ALPK2: variants seen among roughly 807,000 people sequenced by gnomAD.
ALPK2 encodes the protein alpha kinase 2, also known as alpha-protein kinase 2.
Under a neutral mutation model 163.1 loss-of-function variants are expected in ALPK2, and 127 were observed. That is an observed-to-expected ratio of 0.78 (90% CI 0.67 to 0.90). The LOEUF (loss-of-function observed/expected upper bound fraction) is 0.90, where lower values mean the gene tolerates loss of function less well. ALPK2 is among the 40% of genes least tolerant of loss of function. ALPK2 has a pLI of 0.00. For missense variants in ALPK2, 2,360 were observed against 2,589.6 expected (o/e 0.91, Z 1.92); for synonymous variants, 953 against 959.1 (o/e 0.99, Z 0.12).
intron 4 of ALPK2, among the ~76,000 whole-genome samples, chr18:58,576,427 A>T (rs1204249740): frequency 6.6e-6 from 1 of 152,216 alleles, no homozygotes; most frequent in Non-Finnish European, 1.5e-5. Context: ...CTACCAACCC[A>T]GGATTTTAAC....
chr18:58,504,194 A>AAG, intron 10 of ALPK2, 46 bp from the exon 11 acceptor site: 1 of 1,501,344 alleles, frequency 6.7e-7, no homozygotes, highest in Non-Finnish European at 9.3e-7. Flanking sequence ...CTCTACTGGG[A>AAG]AGAGAGGCTC....
intron 6 of ALPK2, chr18:58,528,690 C>T (rs2051596319): frequency 4.7e-6 from 1 of 210,966 alleles, no homozygotes; most frequent in Admixed American, 5.6e-5. Flanking sequence ...TTTGTTTGAC[C>T]TTTATCAGAT....
chr18:58,579,908 C>T lies in ALPK2; in HGVS notation c.868G>A (p.Val290Met), dbSNP rs200278400. The T allele has an allele frequency of 6.7e-5, 108 of 1,614,062 alleles. No homozygotes were observed. The highest frequency in any genetic ancestry group is 8.1e-5 in the Non-Finnish European group (95 of 1,180,044). ...TAHIYPGDSAVANKQPSPQLS... is the reference protein window; with the variant it reads ...TAHIYPGDSAMANKQPSPQLS... ...TGTGGGCTGGGTTGTTTGTTGGCCA[C>T]GGCACTGTCACCTGGGTAAATGTGT... The change falls in exon 4 of 13, where the codon GTG becomes ATG. Residue 290 changes from valine (V) to methionine (M), a missense_variant. Physicochemically the swap from Val to Met is conservative, Grantham distance 21. Coordinates refer to ENST00000361673, the MANE Select transcript of ALPK2 (RefSeq NM_052947.4).
In ALPK2 at chr18:58,481,864, T is replaced by C. The variant is rs773170762; in HGVS notation, c.6472A>G (p.Lys2158Glu). 1.2e-6 allele frequency: 2 copies of C among 1,614,088 alleles called. No homozygotes were observed. Among genetic ancestry groups the C allele is most frequent in the Admixed American group, 1.7e-5 (1 of 60,002 alleles). ...SKVQTNSMTI[K>E]KAGPETPGEK... Reference sequence around the variant, plus strand: ...CCTGGGGTCTCAGGCCCTGCCTTCTTTATTGTCATAGAGTTTGTTTGAACT... The same window carrying C: ...CCTGGGGTCTCAGGCCCTGCCTTCTCTATTGTCATAGAGTTTGTTTGAACT... The change falls in exon 13 of 13, where the codon AAG becomes GAG. Residue 2158 changes from lysine to glutamate, a missense_variant. Physicochemically the swap from Lys to Glu is moderately conservative, Grantham distance 56. Coordinates refer to ENST00000361673, the MANE Select transcript of ALPK2 (RefSeq NM_052947.4).
chr18:58,556,869 A>G (rs1017073197), intron 4 of ALPK2, among the ~76,000 whole-genome samples: 7 of 152,176 alleles, frequency 4.6e-5, no homozygotes, highest in South Asian at 2.1e-4. Context: ...CATTGCAGAC[A>G]TGAGCCCTTA....
At position 58,528,979 on chromosome 18, in the gene ALPK2, GC is replaced by G. The variant is rs773606019; in HGVS notation, c.5501+111del. On this transcript the variant is annotated intron_variant, in intron 6 of 12. Transcript: ENST00000361673. Reference sequence around the variant, plus strand: ...TTAATATTGTGGATGTGGAATCTCTGCTTCAATTTTCCTTTTCACGTCCTAT... The same window carrying G: ...TTAATATTGTGGATGTGGAATCTCTGTTCAATTTTCCTTTTCACGTCCTAT... The G allele has an allele frequency of 2.7e-5, 35 of 1,312,000 alleles. 1 individual carries two copies. In the South Asian group the frequency reaches 4.4e-4, roughly 17 times the overall value. 81.3% of individuals were successfully genotyped at this position (1,312,000 alleles called of 1,614,324 possible).
intron 11 of ALPK2, among the ~76,000 whole-genome samples, chr18:58,502,393 C>G (rs922046207): frequency 6.6e-6 from 1 of 151,918 alleles, no homozygotes; most frequent in Admixed American, 6.6e-5. Context: ...AAATAGGAAC[C>G]ATTTATTATG....
intron 12 of ALPK2, among the ~76,000 whole-genome samples, chr18:58,482,916 A>C (rs527453433): frequency 6.6e-6 from 1 of 152,362 alleles, no homozygotes; most frequent in Admixed American, 6.5e-5. Context: ...GGTTCTGGGC[A>C]GAATGTGAAA....
In ALPK2 at chr18:58,580,750, C is replaced by T. The variant is rs1207083341; in HGVS notation, c.228-202G>A. On this transcript the variant is annotated intron_variant, in intron 3 of 12. Transcript: ENST00000361673. ...CCTAGTGCTGAGAATCCTAGGCAAT[C>T]AGCATCCTCCCTTGAAACTTTCCTC... is the stretch of plus-strand genomic sequence containing the variant. 7 of 582,570 alleles carry T rather than the reference C, an allele frequency of 1.2e-5. No individual in the cohort carries two copies. The East Asian group carries it at 1.7e-4, about 14-fold the overall frequency. The allele number at this position is 582,570 out of a possible 1,614,324, so 36.1% of individuals were successfully genotyped here.
rs751221867 is a variant in ALPK2 at position 58,536,810 on chromosome 18, A to G, written c.3377T>C (p.Phe1126Ser). 1 of 1,614,138 alleles carries G rather than the reference A, an allele frequency of 6.2e-7. No individual in the cohort carries two copies. Among genetic ancestry groups the G allele is most frequent in the Non-Finnish European group, 8.5e-7 (1 of 1,180,020 alleles). ...CTTTGTTTCACTTCCTCTTTCTTGG[A>G]AATTCTCTTCATAGCTCCTAAAGTC... ...RADFRSYEENFQERGSETKQG... is the reference protein window; with the variant it reads ...RADFRSYEENSQERGSETKQG... The change falls in exon 5 of 13, where the codon TTC (phenylalanine) becomes TCC (serine). Residue 1126 changes from phenylalanine (F) to serine (S), a missense_variant. By Grantham distance (155) the Phe-to-Ser change is radical (BLOSUM62 -2). Coordinates refer to ENST00000361673, the MANE Select transcript of ALPK2 (RefSeq NM_052947.4).
intron 4 of ALPK2, among the ~76,000 whole-genome samples, chr18:58,538,860 T>C (rs982205960): frequency 3.3e-5 from 5 of 152,110 alleles, no homozygotes; most frequent in African/African-American, 1.2e-4. Flanking sequence ...AATCTATTAC[T>C]TCCTCGTTGT....
chr18:58,615,217 A>C (rs186539011), intron 1 of ALPK2, among the ~76,000 whole-genome samples: 1 of 152,254 alleles, frequency 6.6e-6, no homozygotes, highest in Non-Finnish European at 1.5e-5. Flanking sequence ...TTTTGTGGCC[A>C]ATCAGCAATG....
chr18:58,558,783 C>T (rs955444711), intron 4 of ALPK2, among the ~76,000 whole-genome samples: 1 of 152,106 alleles, frequency 6.6e-6, no homozygotes, highest in Non-Finnish European at 1.5e-5. Flanking sequence ...ACATGGGTGA[C>T]CCTTGGAAAC....
At chr18:58,620,666 T>C (rs2052193738) in intron 1 of ALPK2, among the ~76,000 whole-genome samples, 1 of 152,190 alleles carries the variant, frequency 6.6e-6, no homozygotes, top group Non-Finnish European at 1.5e-5. Context: ...GTGAATTATA[T>C]GATATACAAA....
intron 12 of ALPK2, among the ~76,000 whole-genome samples, chr18:58,488,731 A>G (rs1259364413): frequency 1.3e-5 from 2 of 151,934 alleles, no homozygotes; most frequent in Non-Finnish European, 2.9e-5. Context: ...AAGGACAAGG[A>G]ATTCGAGGTC....
intron 8 of ALPK2, among the ~76,000 whole-genome samples, chr18:58,517,888 G>T (rs542509361): frequency 1.0e-3 from 157 of 152,126 alleles, no homozygotes; most frequent in African/African-American, 3.7e-3. Flanking sequence ...GAATTATTTT[G>T]CATTTATTTG....
At position 58,574,356 on chromosome 18, in the gene ALPK2, G is replaced by A. The variant is rs1427427152; in HGVS notation, c.1962+4458C>T. Among the ~76,000 whole-genome samples the A allele has an allele frequency of 2.7e-5, 4 of 150,020 alleles. No individual in the cohort carries two copies. In the East Asian group the frequency reaches 7.8e-4, roughly 29 times the overall value. ...CCCAGCTACTCAGGAGGCTGAGGCA[G>A]GAGAACCGCTTGAACCCAGGAGGCG... On this transcript the variant is annotated intron_variant, in intron 4 of 12. Coordinates refer to ENST00000361673, the MANE Select transcript of ALPK2 (RefSeq NM_052947.4).
chr18:58,522,419 A>C (rs1463310341), intron 8 of ALPK2, among the ~76,000 whole-genome samples: 1 of 152,200 alleles, frequency 6.6e-6, no homozygotes, highest in Non-Finnish European at 1.5e-5. Flanking sequence ...TGGGTGAGTA[A>C]TTCTCCTTAA....
At chr18:58,554,965 G>A (rs546211970) in intron 4 of ALPK2, among the ~76,000 whole-genome samples, 7 of 152,224 alleles carry the variant, frequency 4.6e-5, no homozygotes, top group East Asian at 3.9e-4. Context: ...TCTTATTGCC[G>A]CCATGTAACA....
Sources: gnomAD v4.1 joint callset for allele counts (sites outside exome capture counted in the v4.1 genomes callset) on GRCh38, gnomAD v4.1.1 for gene constraint, MANE v1.5 for transcripts, NCBI Gene and HGNC (gene_info 2026-07-23, HGNC 2026-07-21) for gene names.